Variants in GLIS2 observed in about 807,000 individuals in gnomAD.
GLIS2 encodes zinc finger protein GLIS2.
In GLIS2, 14 loss-of-function variants were observed where a neutral mutation model predicts 35.6. The ratio of observed to expected loss-of-function variants is 0.39; its 90% CI spans 0.26 to 0.61. The LOEUF (loss-of-function observed/expected upper bound fraction) is 0.61. Ranked by LOEUF, GLIS2 falls within the 20% of genes least tolerant of loss-of-function variation. GLIS2 has a pLI of 0.48. For missense variants in GLIS2, 675 were observed against 713.4 expected, an observed-to-expected ratio of 0.95 and a Z score of 0.61; for synonymous variants, 368 against 325.1, an observed-to-expected ratio of 1.13 and a Z score of -1.42.
At chr16:4,324,239 C>G (rs2053407287) in intron 1 of GLIS2, among the ~76,000 whole-genome samples, 1 of 152,128 alleles carries the variant, frequency 6.6e-6, no homozygotes, top group Admixed American at 6.5e-5. Flanking sequence ...CGGTGAATCC[C>G]CCACTCTTCC....
chr16:4,335,191 C>T lies in GLIS2; in HGVS notation c.654C>T (p.Ala218=). The T allele has an allele frequency of 6.2e-7, 1 of 1,613,546 alleles. No homozygotes were observed. Among genetic ancestry groups the T allele is most frequent in the Non-Finnish European group, 8.5e-7 (1 of 1,180,030 alleles). The change falls in exon 5 of 7, where the codon GCC becomes GCT. Residue 218 remains alanine (A), a splice_region_variant and synonymous_variant. Transcript: ENST00000433375. The surrounding 1 kb of genome is among the most constrained non-coding windows in gnomAD (Gnocchi z 4.6). The part of the protein sequence containing the change: ...GCARHGRGFN[A]RYKMLIHIRT... ...CCCGCCATGGCCGAGGTTTCAACGC[C>T]AGGTGAGGTGGGGGAGAGAGGGGTA... is the stretch of plus-strand genomic sequence containing the variant.
Position 4,332,744 on chromosome 16 carries a change from G to C in GLIS2, c.172+292G>C, listed in dbSNP as rs986275023. ...TTCAGAAGGAGCGGCAGTAGTCCCA[G>C]GACCTGCACCCTAGGCTGTGGGGTG... On this transcript the variant is annotated intron_variant, in intron 2 of 6. Coordinates refer to ENST00000433375, the MANE Select transcript of GLIS2 (RefSeq NM_032575.3). The surrounding 1 kb of genome is among the most constrained non-coding windows in gnomAD (Gnocchi z 5.4). Among the ~76,000 whole-genome samples, 1 of 152,224 alleles carries C rather than the reference G, an allele frequency of 6.6e-6. No individual in the cohort carries two copies. The highest frequency in any genetic ancestry group is 6.5e-5 in the Admixed American group (1 of 15,286).
rs568182699 is a variant in GLIS2, at chr16:4,320,770, C to G, written c.-67+4516C>G. ...GCAGACCGACTCTGAGCTGGGATGT[C>G]CCCTCCCCGCAAGGCTGTAGGGGCC... is the stretch of plus-strand genomic sequence containing the variant. On this transcript the variant is annotated intron_variant, in intron 1 of 6. Coordinates refer to ENST00000433375, the MANE Select transcript of GLIS2 (RefSeq NM_032575.3). This position sits in a 1 kb window ranked among gnomAD's most constrained non-coding sequence, Gnocchi z 5.6. Among the ~76,000 whole-genome samples, 39 of 152,254 alleles carry G rather than the reference C, an allele frequency of 2.6e-4. No individual in the cohort carries two copies. Among genetic ancestry groups the G allele is most frequent in the African/African-American group, 9.4e-4 (39 of 41,566 alleles).
At chr16:4,329,772 C>T (rs2053477819) in intron 1 of GLIS2, among the ~76,000 whole-genome samples, 1 of 152,196 alleles carries the variant, frequency 6.6e-6, no homozygotes, top group South Asian at 2.1e-4. Flanking sequence ...TGAGTAAAGA[C>T]CCCAATACCG....
intron 1 of GLIS2, among the ~76,000 whole-genome samples, chr16:4,321,694 G>C (rs1031891953): frequency 1.3e-5 from 2 of 152,126 alleles, no homozygotes; most frequent in African/African-American, 2.4e-5. Context: ...CTGGGGCAGG[G>C]GTCTGCTGGT....
chr16:4,327,234 C>T (rs1451716220), intron 1 of GLIS2, among the ~76,000 whole-genome samples: 1 of 152,222 alleles, frequency 6.6e-6, no homozygotes, highest in Non-Finnish European at 1.5e-5. Context: ...AACCAGCTCC[C>T]TATTAGCCTA....
intron 1 of GLIS2, among the ~76,000 whole-genome samples, chr16:4,322,939 C>T (rs919948226): frequency 2.0e-5 from 3 of 152,186 alleles, no homozygotes; most frequent in Admixed American, 2.0e-4. Context: ...GTGTTTCCTT[C>T]GCTCTGGGGA....
Position 4,318,145 on chromosome 16 carries a change from T to G in GLIS2, c.-67+1891T>G, listed in dbSNP as rs1222608580. 2.6e-5 allele frequency among the ~76,000 whole-genome samples: 4 copies of G among 152,292 alleles called. No homozygotes were observed. The East Asian group carries it at 5.8e-4, about 22-fold the overall frequency. ...CACCGCTGCTTTTGGGGTCAGTGGCTTCTGGGGATTGGCTGGAGCCCAGTC... is the reference window on the plus strand; with the variant it reads ...CACCGCTGCTTTTGGGGTCAGTGGCGTCTGGGGATTGGCTGGAGCCCAGTC... On this transcript the variant is annotated intron_variant, in intron 1 of 6. Coordinates refer to ENST00000433375, the MANE Select transcript of GLIS2 (RefSeq NM_032575.3).
intron 1 of GLIS2, chr16:4,328,236 G>A (rs1322226879): frequency 6.6e-6 from 1 of 152,320 alleles, no homozygotes; most frequent in African/African-American, 2.4e-5. Context: ...GGAGAGCCAC[G>A]GCCACCCGCT....
At chr16:4,319,142 A>G (rs1256542331) in intron 1 of GLIS2, among the ~76,000 whole-genome samples, 1 of 152,088 alleles carries the variant, frequency 6.6e-6, no homozygotes, top group African/African-American at 2.4e-5. Flanking sequence ...TGCTGGGTGG[A>G]ATTGGGGCGG....
At chr16:4,333,835 G>A (rs374249647) in intron 3 of GLIS2, among the ~76,000 whole-genome samples, 8 of 152,178 alleles carry the variant, frequency 5.3e-5, no homozygotes, top group African/African-American at 7.2e-5. Flanking sequence ...AGTCATGGCC[G>A]GGCACGGTGG....
Position 4,335,826 on chromosome 16 carries a change from G to A in GLIS2, c.775+433G>A, listed in dbSNP as rs778958391. 3.5e-5 allele frequency: 8 copies of A among 227,008 alleles called. No individual in the cohort carries two copies. The highest frequency in any genetic ancestry group is 3.1e-4 in the Admixed American group (6 of 19,368). The allele number at this position is 227,008 out of a possible 1,614,324, so 14.1% of individuals were successfully genotyped here. ...AATTGTAATATGGTTCGTTGACCCC[G>A]GTACATCCAACGTGTTATCAATTCA... is the stretch of plus-strand genomic sequence containing the variant. On this transcript the variant is annotated intron_variant, in intron 6 of 6. Coordinates refer to ENST00000433375, the MANE Select transcript of GLIS2 (RefSeq NM_032575.3). The surrounding 1 kb of genome is among the most constrained non-coding windows in gnomAD (Gnocchi z 4.6).
At chr16:4,326,013 C>T (rs1057475576) in intron 1 of GLIS2, among the ~76,000 whole-genome samples, 2 of 143,494 alleles carry the variant, frequency 1.4e-5, no homozygotes, top group South Asian at 2.2e-4. Flanking sequence ...CCGAGGTGGG[C>T]GGATCACGAG....
Position 4,332,715 on chromosome 16 carries a change from G to C in GLIS2, c.172+263G>C, listed in dbSNP as rs994073295. On this transcript the variant is annotated intron_variant, in intron 2 of 6. Coordinates refer to ENST00000433375, the MANE Select transcript of GLIS2 (RefSeq NM_032575.3). This position sits in a 1 kb window ranked among gnomAD's most constrained non-coding sequence, Gnocchi z 5.4. The stretch of plus-strand genomic sequence containing the variant: ...TGGAACAGAGCTGGTCGGGCAACCA[G>C]GCATTCAGAAGGAGCGGCAGTAGTC... Among the ~76,000 whole-genome samples the C allele has an allele frequency of 1.3e-5, 2 of 152,264 alleles. No homozygotes were observed. The highest frequency in any genetic ancestry group is 4.8e-5 in the African/African-American group (2 of 41,476).
intron 1 of GLIS2, among the ~76,000 whole-genome samples, chr16:4,318,666 G>C (rs1567215799): frequency 6.6e-6 from 1 of 152,186 alleles, no homozygotes; most frequent in Non-Finnish European, 1.5e-5. Context: ...GGGAGGCCTG[G>C]ACCCCATTTC....
rs1473532284 is a variant in GLIS2, at chr16:4,335,530, G to T, written c.775+137G>T. The T allele has an allele frequency of 6.4e-6, 5 of 780,686 alleles. No individual in the cohort carries two copies. Among genetic ancestry groups the T allele is most frequent in the Admixed American group, 2.3e-5 (1 of 43,994 alleles). 48.4% of individuals were successfully genotyped at this position (780,686 alleles called of 1,614,324 possible). ...TAAGGGTTGATGTCATCGCCCAGGG[G>T]TCCCTTTTCCAATGCAGTTTGCTAG... On this transcript the variant is annotated intron_variant, in intron 6 of 6. Coordinates refer to ENST00000433375, the MANE Select transcript of GLIS2 (RefSeq NM_032575.3). The surrounding 1 kb of genome is among the most constrained non-coding windows in gnomAD (Gnocchi z 4.6).
intron 1 of GLIS2, among the ~76,000 whole-genome samples, chr16:4,317,769 A>G (rs2053330458): frequency 6.6e-6 from 1 of 152,154 alleles, no homozygotes; most frequent in South Asian, 2.1e-4. Flanking sequence ...GTCTGCAGCC[A>G]GCCAAGCAGG....
intron 6 of GLIS2, chr16:4,336,300 C>T (rs973439622): frequency 6.1e-6 from 2 of 329,536 alleles, no homozygotes; most frequent in South Asian, 2.8e-5. Context: ...GCACCTGCCA[C>T]CACACCCAGC....
At chr16:4,326,021 G>A (rs1339720718) in intron 1 of GLIS2, among the ~76,000 whole-genome samples, 6 of 149,504 alleles carry the variant, frequency 4.0e-5, no homozygotes, top group Non-Finnish European at 7.4e-5. Flanking sequence ...GGCGGATCAC[G>A]AGGTCAGGAT....
Sources: allele counts gnomAD v4.1 joint callset (sites outside exome capture counted in the v4.1 genomes callset), GRCh38; gene constraint gnomAD v4.1.1; non-coding constraint Gnocchi (gnomAD v3.1); transcripts MANE v1.5; gene names NCBI Gene and HGNC (gene_info 2026-07-23, HGNC 2026-07-21).